Variants in ARID2 observed in about 807,000 individuals in gnomAD.
The protein encoded by ARID2 is AT-rich interactive domain-containing protein 2.
In ARID2, 32 loss-of-function variants were observed where a neutral mutation model predicts 184.6. The ratio of observed to expected loss-of-function variants is 0.17; its 90% CI spans 0.13 to 0.23. ARID2 has a LOEUF of 0.23. Among genes scored for constraint, ARID2 ranks in the 10% least tolerant of loss-of-function variants. ARID2 has a pLI of 1.00. For synonymous variants in ARID2, 836 were observed against 772.6 expected (o/e 1.08, Z -1.36); for missense variants, 1,696 against 2,197.6 (o/e 0.77, Z 4.56).
intron 3 of ARID2, among the ~76,000 whole-genome samples, chr12:45,743,568 A>G (rs533800321): frequency 1.3e-5 from 2 of 152,230 alleles, no homozygotes; most frequent in African/African-American, 4.8e-5. Context: ...GATAGTGCCA[A>G]TCCCATCTCA....
chr12:45,849,366 A>G lies in ARID2; in HGVS notation c.1716-214A>G, dbSNP rs995898948. ...AGTTATATGTGGGTGGAATTGTTTA[A>G]AACCCAGCGACATTGTTAATAAATA... On this transcript the variant is annotated intron_variant, in intron 13 of 20. Transcript: ENST00000334344. Among the ~76,000 whole-genome samples the G allele has an allele frequency of 2.6e-5, 4 of 152,312 alleles. No individual in the cohort carries two copies. In the East Asian group the frequency reaches 7.7e-4, roughly 29 times the overall value.
intron 20 of ARID2, among the ~76,000 whole-genome samples, chr12:45,900,192 C>A (rs998651347): frequency 1.3e-5 from 2 of 152,120 alleles, no homozygotes; most frequent in African/African-American, 4.8e-5. Flanking sequence ...TCCTGAGTAG[C>A]TGGAACTACA....
chr12:45,851,146 C>A lies in ARID2; in HGVS notation c.3023C>A (p.Ser1008Tyr), dbSNP rs1943541191. The change falls in exon 15 of 21, where the codon TCT becomes TAT. Residue 1008 changes from serine to tyrosine, a missense_variant. Physicochemically the swap from Ser to Tyr is moderately radical, Grantham distance 144 (BLOSUM62 -2). Coordinates refer to ENST00000334344, the MANE Select transcript of ARID2 (RefSeq NM_152641.4). The part of the protein sequence containing the change: ...GPPPTVSQML[S>Y]VKRQQQQQHS... The stretch of plus-strand genomic sequence containing the variant: ...CCTCCTACTGTCAGTCAAATGTTAT[C>A]TGTGAAAAGGCAGCAACAGCAGCAA... The A allele has an allele frequency of 6.2e-7, 1 of 1,614,118 alleles. No homozygotes were observed. Among genetic ancestry groups the A allele is most frequent in the Non-Finnish European group, 8.5e-7 (1 of 1,180,012 alleles).
chr12:45,829,352 TC>T (rs1943064811), intron 6 of ARID2, among the ~76,000 whole-genome samples: 1 of 152,082 alleles, frequency 6.6e-6, no homozygotes, highest in Non-Finnish European at 1.5e-5. Flanking sequence ...ATATTTATTT[TC>T]CTATTTTTAT....
At chr12:45,870,283 C>T (rs576191927) in intron 16 of ARID2, among the ~76,000 whole-genome samples, 3 of 152,246 alleles carry the variant, frequency 2.0e-5, no homozygotes, top group African/African-American at 2.4e-5. Context: ...CCACTGTGTC[C>T]GGCCAAAACC....
chr12:45,842,131 T>C (rs1468772978), intron 11 of ARID2: 4 of 151,460 alleles, frequency 2.6e-5, no homozygotes, highest in African/African-American at 9.7e-5. Context: ...TGGTGATGCA[T>C]GCGTGTAGTC....
chr12:45,828,654 A>G (rs969045866), intron 6 of ARID2, among the ~76,000 whole-genome samples: 2 of 151,958 alleles, frequency 1.3e-5, no homozygotes, highest in Non-Finnish European at 2.9e-5. Context: ...CATTTTAACT[A>G]TTACAGTGAG....
At chr12:45,741,390 G>T (rs1941253372) in intron 3 of ARID2, among the ~76,000 whole-genome samples, 1 of 152,094 alleles carries the variant, frequency 6.6e-6, no homozygotes, top group Admixed American at 6.6e-5. Context: ...TAGAGATAGG[G>T]TTGTGCCATT....
At chr12:45,843,168 A>G (rs1379488201) in intron 11 of ARID2, among the ~76,000 whole-genome samples, 2 of 152,018 alleles carry the variant, frequency 1.3e-5, no homozygotes, top group Non-Finnish European at 2.9e-5. Context: ...TGGAAAATAT[A>G]TCAAAAAGAT....
chr12:45,904,256 ATAATTT>A (rs1462462614), intron 20 of ARID2: 1 of 672,216 alleles, frequency 1.5e-6, no homozygotes. Context: ...TACCTACAAT[ATAATTT>A]TAATTTCATG....
chr12:45,858,895 T>C (rs1204929321), intron 15 of ARID2, among the ~76,000 whole-genome samples: 1 of 152,236 alleles, frequency 6.6e-6, no homozygotes, highest in Non-Finnish European at 1.5e-5. Flanking sequence ...GAACCTATTA[T>C]AGAAATGTCA....
intron 3 of ARID2, among the ~76,000 whole-genome samples, chr12:45,732,994 A>G (rs542578311): frequency 5.8e-4 from 89 of 152,254 alleles, no homozygotes; most frequent in Middle Eastern, 3.4e-3. Context: ...TTTTAACTAT[A>G]TAGTTTCAAC....
chr12:45,850,592 C>T lies in ARID2; in HGVS notation c.2469C>T (p.Thr823=). The change falls in exon 15 of 21, where the codon ACC becomes ACT. Residue 823 remains threonine, a synonymous_variant. Coordinates refer to ENST00000334344, the MANE Select transcript of ARID2 (RefSeq NM_152641.4). ...STVSQGQQLI[T]TSPQPVQTSS... ...TTTCACAGGGTCAACAGTTAATCAC[C>T]ACATCACCCCAACCTGTGCAAACTT... 3 of 1,614,066 alleles carry T rather than the reference C, an allele frequency of 1.9e-6. No individual in the cohort carries two copies. The highest frequency in any genetic ancestry group is 8.5e-7 in the Non-Finnish European group (1 of 1,179,986).
chr12:45,764,072 T>C (rs558395440), intron 3 of ARID2, among the ~76,000 whole-genome samples: 9 of 152,282 alleles, frequency 5.9e-5, no homozygotes, highest in Non-Finnish European at 1.0e-4. Flanking sequence ...TCACCATTTC[T>C]CAACTAGTTT....
chr12:45,839,252 TACA>T, intron 10 of ARID2, 74 bp from the exon 11 acceptor site: 2 of 1,304,918 alleles, frequency 1.5e-6, no homozygotes, highest in Non-Finnish European at 2.1e-6. Flanking sequence ...AAGTATTCTG[TACA>T]ACATGTGTTC....
chr12:45,847,015 C>A, intron 12 of ARID2, 78 bp downstream of exon 12: 1 of 1,300,390 alleles, frequency 7.7e-7, no homozygotes, highest in Non-Finnish European at 1.1e-6. Context: ...ATTCTACAGA[C>A]ATCCAGAATG....
At chr12:45,861,075 C>T (rs886992864) in intron 16 of ARID2, 126 bp downstream of exon 16, 2 of 789,132 alleles carry the variant, frequency 2.5e-6, no homozygotes, top group African/African-American at 1.8e-5. Context: ...AGCGAAACTA[C>T]AAGAGTTATA....
At position 45,839,472 on chromosome 12, in the gene ARID2, C is replaced by G. The variant is rs2138137572; in HGVS notation, c.1474C>G (p.Gln492Glu). The G allele has an allele frequency of 6.2e-7, 1 of 1,613,516 alleles. No individual in the cohort carries two copies. The highest frequency in any genetic ancestry group is 8.5e-7 in the Non-Finnish European group (1 of 1,179,788). The part of the protein sequence containing the change: ...RPQAIEQVQT[Q>E]THVASAPASR... ...ACAAGCTATAGAGCAAGTCCAAACC[C>G]AGACTCATGTAGCATCTGCCCCAGG... The change falls in exon 11 of 21, where the codon CAG becomes GAG. Residue 492 changes from glutamine to glutamate, a missense_variant. This residue lies in a region of ARID2 where 713 missense variants were observed against 824.4 expected (regional missense o/e 0.86). Coordinates refer to ENST00000334344, the MANE Select transcript of ARID2 (RefSeq NM_152641.4).
intron 6 of ARID2, among the ~76,000 whole-genome samples, chr12:45,830,088 A>T (rs1943085099): frequency 6.7e-6 from 1 of 149,596 alleles, no homozygotes; most frequent in African/African-American, 2.4e-5. Context: ...ATAGAAACAA[A>T]ATATATAAAT....
Sources: allele counts gnomAD v4.1 joint callset (sites outside exome capture counted in the v4.1 genomes callset), GRCh38; gene constraint gnomAD v4.1.1; regional missense constraint gnomAD v4.1.1; transcripts MANE v1.5; gene names NCBI Gene and HGNC (gene_info 2026-07-23, HGNC 2026-07-21).